Variants in SLC24A2 observed in about 807,000 individuals in gnomAD.
SLC24A2 encodes the protein sodium/potassium/calcium exchanger 2.
In SLC24A2, 36 loss-of-function variants were observed where a neutral mutation model predicts 62.0. The observed-to-expected ratio is 0.58, with a 90% CI of 0.44 to 0.77. The LOEUF is 0.77. Ranked by LOEUF, SLC24A2 falls within the 30% of genes least tolerant of loss-of-function variation. SLC24A2 has a pLI of 0.00. For missense variants in SLC24A2, 846 were observed against 817.9 expected (o/e 1.03, Z -0.42); for synonymous variants, 358 against 294.0 (o/e 1.22, Z -2.23).
At chr9:19,858,234 G>A in the SLC24A2 span, among the ~76,000 whole-genome samples, 1 of 152,116 alleles carries the variant, frequency 6.6e-6, no homozygotes, top group Non-Finnish European at 1.5e-5. Flanking sequence ...TGACAAAGTA[G>A]ACAAAAGCAA....
At chr9:20,299,738 T>G in the SLC24A2 span, among the ~76,000 whole-genome samples, 1 of 152,216 alleles carries the variant, frequency 6.6e-6, no homozygotes, top group African/African-American at 2.4e-5. Flanking sequence ...CTATGCTAAA[T>G]GCAATTCTAA....
At chr9:19,753,092 C>T (rs567705136) in intron 2 of SLC24A2, among the ~76,000 whole-genome samples, 5 of 152,250 alleles carry the variant, frequency 3.3e-5, no homozygotes, top group East Asian at 1.9e-4. Flanking sequence ...TATCATATTC[C>T]GTCCTTTTCT....
At chr9:20,119,739 C>T in the SLC24A2 span, among the ~76,000 whole-genome samples, 1 of 152,106 alleles carries the variant, frequency 6.6e-6, no homozygotes, top group Non-Finnish European at 1.5e-5. Flanking sequence ...CAGCATTGTA[C>T]AGGAGTTCCC....
chr9:20,058,982 T>A, the SLC24A2 span, among the ~76,000 whole-genome samples: 1 of 152,326 alleles, frequency 6.6e-6, no homozygotes, highest in East Asian at 1.9e-4. Flanking sequence ...GTTAATCCTG[T>A]CCTACTGTGC....
At chr9:19,589,423 G>A (rs1032784231) in intron 5 of SLC24A2, among the ~76,000 whole-genome samples, 35 of 152,198 alleles carry the variant, frequency 2.3e-4, no homozygotes, top group African/African-American at 8.2e-4. Flanking sequence ...TCTGGGGTAG[G>A]AAAGAGATTC....
chr9:20,221,289 T>G, the SLC24A2 span, among the ~76,000 whole-genome samples: 6 of 152,062 alleles, frequency 3.9e-5, no homozygotes, highest in Admixed American at 2.6e-4. Flanking sequence ...AATCGTGGCT[T>G]AGGATACAGT....
intron 7 of SLC24A2, among the ~76,000 whole-genome samples, chr9:19,552,584 G>A (rs763871655): frequency 4.6e-5 from 7 of 151,886 alleles, no homozygotes; most frequent in Non-Finnish European, 7.4e-5. Flanking sequence ...AGTTCATTAA[G>A]GCTCCTCCCC....
At chr9:20,187,402 C>T in the SLC24A2 span, among the ~76,000 whole-genome samples, 3 of 152,192 alleles carry the variant, frequency 2.0e-5, no homozygotes, top group African/African-American at 4.8e-5. Context: ...TCCTGACCCC[C>T]CGTTGCTTAC....
rs903292386 is a variant in SLC24A2, at chr9:19,788,979, G to C, written c.-248C>G. 3.4e-5 allele frequency: 33 copies of C among 981,370 alleles called. No individual in the cohort carries two copies. The highest frequency in any genetic ancestry group is 3.8e-5 in the Non-Finnish European group (31 of 826,374). 60.8% of individuals were successfully genotyped at this position (981,370 alleles called of 1,614,324 possible). A position where few individuals can be genotyped will look rare whatever the true frequency, so the allele number is the denominator to read the frequency against. ...CCTCCGCCTACCCGCTCTGAGGCCC[G>C]GGCTCTGGCTCGCACTGGCTGCCGC... On this transcript the variant is annotated 5_prime_UTR_variant, in exon 1 of 11. Transcript: ENST00000341998.
the SLC24A2 span, among the ~76,000 whole-genome samples, chr9:20,000,243 G>C: frequency 3.3e-5 from 5 of 152,282 alleles, no homozygotes; most frequent in Admixed American, 2.6e-4. Flanking sequence ...GCCAGAAACT[G>C]TGCTAAGCAT....
chr9:20,058,730 T>C, the SLC24A2 span, among the ~76,000 whole-genome samples: 5,384 of 152,348 alleles, frequency 0.035, 130 homozygotes, highest in Non-Finnish European at 0.052. Context: ...TGAGTCACTA[T>C]ACTCTCTTCT....
At chr9:19,650,269 T>C (rs188453613) in intron 2 of SLC24A2, among the ~76,000 whole-genome samples, 7 of 152,308 alleles carry the variant, frequency 4.6e-5, no homozygotes, top group Admixed American at 2.6e-4. Flanking sequence ...ATGGTACTAA[T>C]TGGGTCTCAG....
the SLC24A2 span, among the ~76,000 whole-genome samples, chr9:20,233,872 C>T: frequency 3.3e-5 from 5 of 152,066 alleles, no homozygotes; most frequent in African/African-American, 9.7e-5. Context: ...TACTGGTTGT[C>T]CCTTTCCATG....
the SLC24A2 span, among the ~76,000 whole-genome samples, chr9:20,063,193 G>A: frequency 4.7e-5 from 7 of 150,306 alleles, no homozygotes; most frequent in African/African-American, 9.9e-5. Context: ...ACATGCACAC[G>A]TATGTTTATT....
At chr9:20,078,073 C>T in the SLC24A2 span, among the ~76,000 whole-genome samples, 2 of 150,298 alleles carry the variant, frequency 1.3e-5, no homozygotes, top group African/African-American at 4.9e-5. Flanking sequence ...CTTTCTGGTA[C>T]TGGTTTACAC....
At chr9:19,785,080 A>C (rs1823122420) in intron 2 of SLC24A2, among the ~76,000 whole-genome samples, 1 of 152,220 alleles carries the variant, frequency 6.6e-6, no homozygotes, top group Non-Finnish European at 1.5e-5. Context: ...CACTGCTAGG[A>C]TATAAATCAG....
intron 2 of SLC24A2, among the ~76,000 whole-genome samples, chr9:19,647,066 G>GCACACA (rs1158736193): frequency 3.9e-5 from 1 of 25,386 alleles, no homozygotes; most frequent in Non-Finnish European, 6.9e-5. Context: ...ACACACACGC[G>GCACACA]CGCACACACA....
the SLC24A2 span, among the ~76,000 whole-genome samples, chr9:19,948,841 T>A: frequency 1.3e-4 from 6 of 46,918 alleles, no homozygotes; most frequent in Admixed American, 1.1e-3. Context: ...CGAGACTCCG[T>A]CTCAAAAAAA....
the SLC24A2 span, among the ~76,000 whole-genome samples, chr9:19,822,641 C>G: frequency 6.6e-6 from 1 of 152,114 alleles, no homozygotes; most frequent in African/African-American, 2.4e-5. Context: ...GATTAATTAA[C>G]TAGGTAATGT....
Sources: allele counts gnomAD v4.1 joint callset (sites outside exome capture counted in the v4.1 genomes callset), GRCh38; gene constraint gnomAD v4.1.1; transcripts MANE v1.5; gene names NCBI Gene and HGNC (gene_info 2026-07-23, HGNC 2026-07-21).